ENOX1: variants seen among roughly 807,000 people sequenced by gnomAD.
ENOX1 encodes candidate growth-related and time keeping constitutive hydroquinone (NADH) oxidase.
Under a neutral mutation model 82.5 loss-of-function variants are expected in ENOX1, and 42 were observed. The ratio of observed to expected loss-of-function variants is 0.51; its 90% CI spans 0.40 to 0.66. The LOEUF is 0.66. ENOX1 is among the 30% of genes least tolerant of loss of function. The pLI is 0.00. For missense variants in ENOX1, 608 were observed against 811.6 expected (o/e 0.75, Z 3.05); for synonymous variants, 271 against 282.2 (o/e 0.96, Z 0.40).
At position 43,412,050 on chromosome 13, in the gene ENOX1, G is replaced by T; in HGVS notation, c.74C>A (p.Ala25Asp). 6.2e-7 allele frequency: 1 copy of T among 1,613,300 alleles called. No homozygotes were observed. The highest frequency in any genetic ancestry group is 8.5e-7 in the Non-Finnish European group (1 of 1,179,370). ...QELPQMMAAA[A>D]DGLGSIAIDT... ...TATCGCTATACTCCCCAAACCATCG[G>T]CTGCTGTGGGGAAAAACAAACCATG... Residue 25 changes from alanine to aspartate, a missense_variant, in exon 5 of 17, where the codon GCC (alanine) becomes GAC (aspartate). By Grantham distance (126) the Ala-to-Asp change is moderately radical. Coordinates refer to ENST00000690772, the MANE Select transcript of ENOX1 (RefSeq NM_001347969.2).
intron 14 of ENOX1, among the ~76,000 whole-genome samples, chr13:43,263,291 G>A (rs2044183352): frequency 6.6e-6 from 1 of 152,112 alleles, no homozygotes; most frequent in Non-Finnish European, 1.5e-5. Flanking sequence ...GACTGGCAAG[G>A]ACTGTCAGGT....
At chr13:43,345,770 T>C (rs1474227575) in intron 8 of ENOX1, among the ~76,000 whole-genome samples, 1 of 152,186 alleles carries the variant, frequency 6.6e-6, no homozygotes, top group Non-Finnish European at 1.5e-5. Context: ...AAATGTGCTT[T>C]AGGGAAAAAT....
intron 1 of ENOX1, among the ~76,000 whole-genome samples, chr13:43,700,180 T>G (rs917227441): frequency 6.6e-6 from 1 of 152,198 alleles, no homozygotes; most frequent in African/African-American, 2.4e-5. Context: ...AATTGGGTTT[T>G]TAAACCAAGA....
intron 2 of ENOX1, among the ~76,000 whole-genome samples, chr13:43,626,954 C>T (rs74955243): frequency 0.058 from 8,845 of 151,848 alleles, 869 homozygotes; most frequent in African/African-American, 0.2. Context: ...TTTCACTTCA[C>T]GTATTTTGTA....
chr13:43,420,168 T>C (rs2054889100), intron 3 of ENOX1, among the ~76,000 whole-genome samples: 1 of 152,218 alleles, frequency 6.6e-6, no homozygotes. Flanking sequence ...GTCAGTGCCA[T>C]ACTCTCGAGG....
At chr13:43,602,317 A>C (rs1231586872) in intron 2 of ENOX1, among the ~76,000 whole-genome samples, 1 of 152,152 alleles carries the variant, frequency 6.6e-6, no homozygotes, top group African/African-American at 2.4e-5. Flanking sequence ...TCAATAGATC[A>C]ATAGAAAACC....
At chr13:43,696,875 C>T (rs1156518818) in intron 1 of ENOX1, among the ~76,000 whole-genome samples, 1 of 149,964 alleles carries the variant, frequency 6.7e-6, no homozygotes, top group African/African-American at 2.5e-5. Flanking sequence ...CAGAAACCAT[C>T]TTCACTGGCT....
chr13:43,638,480 C>A (rs1809805233), intron 2 of ENOX1, among the ~76,000 whole-genome samples: 1 of 152,018 alleles, frequency 6.6e-6, no homozygotes, highest in South Asian at 2.1e-4. Flanking sequence ...TGAGCTCTAG[C>A]AAAGACTGTA....
chr13:43,496,781 C>A (rs182088764), intron 2 of ENOX1, among the ~76,000 whole-genome samples: 61 of 152,230 alleles, frequency 4.0e-4, no homozygotes, highest in Admixed American at 1.1e-3. Context: ...ATAACATATT[C>A]TGTTCCATTG....
chr13:43,303,663 C>A (rs139067464), intron 11 of ENOX1, among the ~76,000 whole-genome samples: 21 of 152,192 alleles, frequency 1.4e-4, no homozygotes, highest in African/African-American at 5.1e-4. Context: ...CTGTTGTGTG[C>A]CCAAAAAGTA....
intron 12 of ENOX1, among the ~76,000 whole-genome samples, chr13:43,295,693 A>C (rs2046248071): frequency 1.3e-5 from 2 of 152,112 alleles, no homozygotes; most frequent in Admixed American, 1.3e-4. Flanking sequence ...TGAAACCATG[A>C]TTTTCTGATT....
chr13:43,681,729 ACACT>A (rs1315580064), intron 1 of ENOX1, among the ~76,000 whole-genome samples: 2 of 144,554 alleles, frequency 1.4e-5, no homozygotes, highest in Non-Finnish European at 3.0e-5. Flanking sequence ...ACACACACAC[ACACT>A]ATCAGGAGGC....
At chr13:43,564,769 A>T (rs1185343464) in intron 2 of ENOX1, among the ~76,000 whole-genome samples, 2 of 152,206 alleles carry the variant, frequency 1.3e-5, no homozygotes, top group Non-Finnish European at 2.9e-5. Flanking sequence ...AAATAATTTT[A>T]AAAAAGAAAC....
At chr13:43,715,662 G>A (rs550217458) in intron 1 of ENOX1, among the ~76,000 whole-genome samples, 41 of 151,976 alleles carry the variant, frequency 2.7e-4, no homozygotes, top group African/African-American at 8.0e-4. Flanking sequence ...GGCTTTGTTC[G>A]TTTCTTTTTA....
intron 1 of ENOX1, among the ~76,000 whole-genome samples, chr13:43,760,310 A>G (rs1206792280): frequency 6.6e-6 from 1 of 152,232 alleles, no homozygotes. Context: ...ACTGCCCTGA[A>G]TCACTAAAAT....
intron 2 of ENOX1, among the ~76,000 whole-genome samples, chr13:43,524,424 C>T (rs1217439071): frequency 6.6e-6 from 1 of 152,094 alleles, no homozygotes; most frequent in East Asian, 1.9e-4. Context: ...TCCTTATAGT[C>T]ACTCTTGACA....
intron 14 of ENOX1, among the ~76,000 whole-genome samples, chr13:43,261,737 G>A (rs570744137): frequency 2.7e-5 from 4 of 146,688 alleles, no homozygotes; most frequent in African/African-American, 1.0e-4. Context: ...ACTATCACAA[G>A]AACAAAAAAC....
At chr13:43,300,614 C>T (rs909825104) in intron 11 of ENOX1, among the ~76,000 whole-genome samples, 4 of 152,106 alleles carry the variant, frequency 2.6e-5, no homozygotes, top group Admixed American at 6.5e-5. Context: ...CAAGTGTTTG[C>T]CTGGAAGCAG....
Position 43,234,380 on chromosome 13 carries a change from A to G in ENOX1, c.1714+2256T>C, listed in dbSNP as rs558051870. 2.0e-5 allele frequency among the ~76,000 whole-genome samples: 3 copies of G among 152,304 alleles called. No individual in the cohort carries two copies. The East Asian group carries it at 5.8e-4, about 29-fold the overall frequency. ...AGAATAATAAAATAAAATATTGAGA[A>G]AGGTAGCAAGGTAATGGATAACTGA... On this transcript the variant is annotated intron_variant, in intron 15 of 16. Transcript: ENST00000690772.
Sources: gnomAD v4.1 joint callset for allele counts (sites outside exome capture counted in the v4.1 genomes callset) on GRCh38, gnomAD v4.1.1 for gene constraint, MANE v1.5 for transcripts, NCBI Gene and HGNC (gene_info 2026-07-23, HGNC 2026-07-21) for gene names.